Variants in NRL observed in about 807,000 individuals in gnomAD.
NRL encodes the protein neural retina leucine zipper, also known as neural retina-specific leucine zipper protein.
A neutral mutation model predicts 12.5 loss-of-function variants in NRL; 16 were observed. The observed-to-expected ratio is 1.28, with a 90% CI of 0.87 to 1.95. The LOEUF is 1.95. NRL is among the 30% of genes most tolerant of loss of function. The pLI is 0.00. For synonymous variants in NRL, 142 were observed against 150.9 expected (o/e 0.94, Z 0.43); for missense variants, 314 against 325.8 (o/e 0.96, Z 0.28).
chr14:24,096,112 A>C (rs1594285756), intron 1 of NRL, among the ~76,000 whole-genome samples: 1 of 152,192 alleles, frequency 6.6e-6, no homozygotes, highest in Middle Eastern at 3.2e-3. Context: ...ATTTATAAAA[A>C]ACTATACTTG....
chr14:24,089,347 A>G (rs941209601), intron 1 of NRL, among the ~76,000 whole-genome samples: 1 of 151,852 alleles, frequency 6.6e-6, no homozygotes, highest in Non-Finnish European at 1.5e-5. Context: ...TCCTGGGCTC[A>G]AGCTATCTCC....
chr14:24,096,923 T>G (rs2138939029), intron 1 of NRL: 1 of 1,613,542 alleles, frequency 6.2e-7, no homozygotes, highest in African/African-American at 1.3e-5. Flanking sequence ...CCCCTTGGGC[T>G]GGCCATCATG....
intron 1 of NRL, among the ~76,000 whole-genome samples, chr14:24,102,500 G>A (rs1049781904): frequency 1.3e-5 from 2 of 152,134 alleles, no homozygotes; most frequent in Admixed American, 1.3e-4. Context: ...ACAAACATTA[G>A]TGCCCTGCCA....
Position 24,097,112 on chromosome 14 carries a change from C to T in NRL, c.-27-14237G>A, listed in dbSNP as rs202159394. 1.7e-5 allele frequency: 28 copies of T among 1,613,812 alleles called. No homozygotes were observed. Among genetic ancestry groups the T allele is most frequent in the Admixed American group, 1.3e-4 (8 of 60,002 alleles). On this transcript the variant is annotated intron_variant, in intron 1 of 2. Transcript: ENST00000561028. ...CCTGCTGGAGCAGCAGGGCCTCATC[C>T]GAAAGCTCCCCAAGTACAATAACTG...
Position 24,098,421 on chromosome 14 carries a change from G to A in NRL, c.-27-15546C>T, listed in dbSNP as rs371691595. On this transcript the variant is annotated intron_variant, in intron 1 of 2. Coordinates refer to ENST00000561028, the MANE Select transcript of NRL (RefSeq NM_001354768.3). Reference sequence around the variant, plus strand: ...GGCAGGGGCACAGTGGCAAGGGCACGGAAGATGTGAACAGGTTTGGAACCC... The same window carrying A: ...GGCAGGGGCACAGTGGCAAGGGCACAGAAGATGTGAACAGGTTTGGAACCC... The A allele has an allele frequency of 7.1e-5, 115 of 1,611,800 alleles. 1 individual carries two copies. In the African/African-American group the frequency reaches 8.8e-4, roughly 12 times the overall value.
chr14:24,107,424 G>A (rs1334323677), intron 1 of NRL, among the ~76,000 whole-genome samples: 1 of 152,050 alleles, frequency 6.6e-6, no homozygotes, highest in Admixed American at 6.6e-5. Context: ...CACTACCCAG[G>A]GAAAGAAACA....
Position 24,094,961 on chromosome 14 carries a change from C to A in NRL, c.-27-12086G>T. 2 of 852,426 alleles carry A rather than the reference C, an allele frequency of 2.3e-6. No homozygotes were observed. Among genetic ancestry groups the A allele is most frequent in the Non-Finnish European group, 3.3e-6 (2 of 602,120 alleles). 52.8% of individuals were successfully genotyped at this position (852,426 alleles called of 1,614,324 possible). On this transcript the variant is annotated intron_variant, in intron 1 of 2. Coordinates refer to ENST00000561028, the MANE Select transcript of NRL (RefSeq NM_001354768.3). The surrounding 1 kb of genome is among the most constrained non-coding windows in gnomAD (Gnocchi z 4.1). ...CTGGAACCTGGCGGGAAGTCCAGAGCAGCCCGAGGGACCTGGGCCCAGGGG... is the reference window on the plus strand; with the variant it reads ...CTGGAACCTGGCGGGAAGTCCAGAGAAGCCCGAGGGACCTGGGCCCAGGGG...
chr14:24,094,667 C>G lies in NRL; in HGVS notation c.-27-11792G>C. ...CTCCCCTTCTCTGCCTCGCTCGCCT[C>G]TGACCGCGCGATCTCTATCTGCCAC... On this transcript the variant is annotated intron_variant, in intron 1 of 2. Transcript: ENST00000561028. The surrounding 1 kb of genome is among the most constrained non-coding windows in gnomAD (Gnocchi z 4.1). The G allele has an allele frequency of 2.0e-6, 3 of 1,514,130 alleles. No homozygotes were observed. The highest frequency in any genetic ancestry group is 2.6e-6 in the Non-Finnish European group (3 of 1,133,696). 93.8% of individuals were successfully genotyped at this position (1,514,130 alleles called of 1,614,324 possible).
At chr14:24,093,508 T>C (rs2036705996) in intron 1 of NRL, 1 of 152,176 alleles carries the variant, frequency 6.6e-6, no homozygotes, top group Non-Finnish European at 1.5e-5. Context: ...AGAAACCCCG[T>C]CTTTACAAAA....
chr14:24,094,920 T>G lies in NRL; in HGVS notation c.-27-12045A>C. The G allele has an allele frequency of 8.8e-7, 1 of 1,137,434 alleles. No homozygotes were observed. The highest frequency in any genetic ancestry group is 1.2e-6 in the Non-Finnish European group (1 of 853,956). The allele number at this position is 1,137,434 out of a possible 1,614,324, so 70.5% of individuals were successfully genotyped here. A position where few individuals can be genotyped will look rare whatever the true frequency, so the allele number is the denominator to read the frequency against. Reference sequence around the variant, plus strand: ...AGGTTAAATATCCATTCCCGGCCTCTCCCGGACTGGAAGGACTGGAACCTG... The same window carrying G: ...AGGTTAAATATCCATTCCCGGCCTCGCCCGGACTGGAAGGACTGGAACCTG... On this transcript the variant is annotated intron_variant, in intron 1 of 2. Coordinates refer to ENST00000561028, the MANE Select transcript of NRL (RefSeq NM_001354768.3). The surrounding 1 kb of genome is among the most constrained non-coding windows in gnomAD (Gnocchi z 4.1).
At chr14:24,091,475 G>A (rs1442328883) in intron 1 of NRL, among the ~76,000 whole-genome samples, 1 of 152,158 alleles carries the variant, frequency 6.6e-6, no homozygotes, top group East Asian at 1.9e-4. Flanking sequence ...ATGTGGGGGT[G>A]ACAACATTAG....
rs2036354532 is a variant in NRL at position 24,082,712 on chromosome 14, G to C, written c.137C>G (p.Ser46Ter). 1 of 1,614,226 alleles carries C rather than the reference G, an allele frequency of 6.2e-7. No individual in the cohort carries two copies. Among genetic ancestry groups the C allele is most frequent in the African/African-American group, 1.3e-5 (1 of 75,070 alleles). Reference protein sequence around the residue: ...TASLGSTPYSSVPPSPTFSEP... With the variant: ...TASLGSTPYS The stretch of plus-strand genomic sequence containing the variant: ...ACTGAAGGTGGGTGAAGGAGGCACT[G>C]AGCTGTAAGGTGTGGAGCCCAGTGA... The change falls in exon 2 of 3, where the codon TCA (serine) becomes TGA (stop). Residue 46 changes from serine to a stop codon, truncating the protein, a stop_gained. Transcript: ENST00000561028. LOFTEE classifies it high-confidence loss of function.
chr14:24,081,941 T>G lies in NRL; in HGVS notation c.382-373A>C. The stretch of plus-strand genomic sequence containing the variant: ...CCCCCAACCCTCCAACGCGCTGCGT[T>G]TCCCTGTCCTGAAGCCTGCAACCCG... On this transcript the variant is annotated intron_variant, in intron 2 of 2. Coordinates refer to ENST00000561028, the MANE Select transcript of NRL (RefSeq NM_001354768.3). The surrounding 1 kb of genome is among the most constrained non-coding windows in gnomAD (Gnocchi z 4.4). 8.0e-7 allele frequency: 1 copy of G among 1,245,990 alleles called. No individual in the cohort carries two copies. Among genetic ancestry groups the G allele is most frequent in the East Asian group, 4.8e-5 (1 of 20,930 alleles). 77.2% of individuals were successfully genotyped at this position (1,245,990 alleles called of 1,614,324 possible).
At position 24,081,817 on chromosome 14, in the gene NRL, A is replaced by G; in HGVS notation, c.382-249T>C. ...CCACGGTGCAGGGCCGGCCACGGTC[A>G]GGCGAGCCCGTCGCGCACCTAAACC... On this transcript the variant is annotated intron_variant, in intron 2 of 2. Coordinates refer to ENST00000561028, the MANE Select transcript of NRL (RefSeq NM_001354768.3). This position sits in a 1 kb window ranked among gnomAD's most constrained non-coding sequence, Gnocchi z 4.4. The G allele has an allele frequency of 6.9e-7, 1 of 1,452,938 alleles. No homozygotes were observed. Among genetic ancestry groups the G allele is most frequent in the Middle Eastern group, 1.8e-4 (1 of 5,574 alleles). The allele number at this position is 1,452,938 out of a possible 1,614,324, so 90.0% of individuals were successfully genotyped here. A position where few individuals can be genotyped will look rare whatever the true frequency, so the allele number is the denominator to read the frequency against.
At chr14:24,106,928 G>C (rs905703696) in intron 1 of NRL, among the ~76,000 whole-genome samples, 7 of 152,058 alleles carry the variant, frequency 4.6e-5, no homozygotes, top group African/African-American at 1.7e-4. Context: ...TTACAGTCTT[G>C]TTGGGAAGAT....
Position 24,094,027 on chromosome 14 carries a change from T to G in NRL, c.-27-11152A>C. On this transcript the variant is annotated intron_variant, in intron 1 of 2. Coordinates refer to ENST00000561028, the MANE Select transcript of NRL (RefSeq NM_001354768.3). This position sits in a 1 kb window ranked among gnomAD's most constrained non-coding sequence, Gnocchi z 4.1. ...CTAGTGTCTCTCCCGGGAGCAAGAG[T>G]CCTCAAAGTTACATCATGTGCGGCT... The G allele has an allele frequency of 1.9e-6, 1 of 520,344 alleles. No homozygotes were observed. Among genetic ancestry groups the G allele is most frequent in the Non-Finnish European group, 3.4e-6 (1 of 297,268 alleles). The allele number at this position is 520,344 out of a possible 1,614,324, so 32.2% of individuals were successfully genotyped here.
intron 1 of NRL, chr14:24,100,231 G>C: frequency 6.2e-7 from 1 of 1,613,720 alleles, no homozygotes; most frequent in Non-Finnish European, 8.5e-7. Flanking sequence ...CGGTGGGGAA[G>C]GTGTGGCACA....
chr14:24,096,816 C>G (rs1282370533), intron 1 of NRL: 2 of 1,355,800 alleles, frequency 1.5e-6, no homozygotes, highest in Admixed American at 3.5e-5. Flanking sequence ...GCAGCCCAAG[C>G]TTTCTGTCTC....
intron 1 of NRL, chr14:24,099,345 C>A: frequency 8.6e-7 from 1 of 1,162,248 alleles, no homozygotes; most frequent in Non-Finnish European, 1.2e-6. Context: ...GGCTGGTGGG[C>A]GGGGACTCTA....
Sources: gnomAD v4.1 joint callset for allele counts (sites outside exome capture counted in the v4.1 genomes callset) on GRCh38, gnomAD v4.1.1 for gene constraint, Gnocchi (gnomAD v3.1) non-coding constraint, MANE v1.5 for transcripts, NCBI Gene and HGNC (gene_info 2026-07-23, HGNC 2026-07-21) for gene names.